Variants in ZNF446 observed in about 807,000 individuals in gnomAD.
ZNF446 encodes the protein zinc finger protein 446, also known as zinc finger protein with KRAB and SCAN domains 20.
A neutral mutation model predicts 34.0 loss-of-function variants in ZNF446; 42 were observed. That is an observed-to-expected ratio of 1.23 (90% CI 0.96 to 1.60). The LOEUF (loss-of-function observed/expected upper bound fraction) is 1.60, where lower values mean the gene tolerates loss of function less well. Ranked by LOEUF, ZNF446 falls within the 40% of genes most tolerant of loss-of-function variation. ZNF446 has a pLI of 0.00. For synonymous variants in ZNF446, 315 were observed against 251.0 expected, an observed-to-expected ratio of 1.25 and a Z score of -2.41; for missense variants, 650 against 600.2, an observed-to-expected ratio of 1.08 and a Z score of -0.87.
In ZNF446 at chr19:58,480,331, A is replaced by G; in HGVS notation, c.958A>G (p.Thr320Ala). 6.3e-7 allele frequency: 1 copy of G among 1,590,438 alleles called. No individual in the cohort carries two copies. Among genetic ancestry groups the G allele is most frequent in the Non-Finnish European group, 8.6e-7 (1 of 1,169,370 alleles). Residue 320 changes from threonine (T) to alanine (A), a missense_variant, in exon 7 of 7, where the codon ACG becomes GCG. Transcript: ENST00000594369. The surrounding 1 kb of genome is among the most constrained non-coding windows in gnomAD (Gnocchi z 7.2). ...PVPTQPTPAE[T>A]RLEPAATPRK... ...GCCCACTCAGCCCACACCTGCAGAG[A>G]CGAGACTGGAGCCGGCTGCCACCCC...
chr19:58,480,546 C>A lies in ZNF446; in HGVS notation c.1173C>A (p.Gly391=). Residue 391 remains glycine, a synonymous_variant, in exon 7 of 7, where the codon GGC becomes GGA. Coordinates refer to ENST00000594369, the MANE Select transcript of ZNF446 (RefSeq NM_017908.4). This position sits in a 1 kb window ranked among gnomAD's most constrained non-coding sequence, Gnocchi z 7.2. ...FPHHPRRSLT[G]PRSYPCEECG... is the part of the protein sequence containing the mutation. ...ACCACCCCCGACGCTCACTCACAGG[C>A]CCCCGGAGTTACCCGTGTGAGGAGT... 1 of 1,612,904 alleles carries A rather than the reference C, an allele frequency of 6.2e-7. No individual in the cohort carries two copies. The highest frequency in any genetic ancestry group is 8.5e-7 in the Non-Finnish European group (1 of 1,179,894).
downstream of ZNF446, among the ~76,000 whole-genome samples, chr19:58,483,132 G>C (rs2053151173): frequency 1.3e-5 from 2 of 151,332 alleles, no homozygotes; most frequent in South Asian, 4.2e-4. Context: ...CACTTTGGGA[G>C]ACCACGAGTT....
Position 58,477,336 on chromosome 19 carries a change from C to T in ZNF446, c.118C>T (p.Pro40Ser), listed in dbSNP as rs758801580. The T allele has an allele frequency of 1.2e-6, 2 of 1,613,388 alleles. No individual in the cohort carries two copies. Among genetic ancestry groups the T allele is most frequent in the South Asian group, 1.1e-5 (1 of 91,076 alleles). The change falls in exon 2 of 7, where the codon CCC becomes TCC. Residue 40 changes from proline (P) to serine (S), a missense_variant. Physicochemically the swap from Pro to Ser is moderately conservative, Grantham distance 74. Transcript: ENST00000594369. ...RGFCYQEVAGPREALARLREL... is the reference protein window; with the variant it reads ...RGFCYQEVAGSREALARLREL... ...GTTCTGCTACCAGGAGGTGGCAGGT[C>T]CCCGAGAAGCCCTGGCCCGGCTGCG...
chr19:58,478,226 G>C (rs368246732), intron 4 of ZNF446, 45 bp downstream of exon 4: 2 of 1,577,908 alleles, frequency 1.3e-6, no homozygotes, highest in Admixed American at 1.8e-5. Flanking sequence ...GTGTGAGAAG[G>C]GACTGTCCCC....
Position 58,480,773 on chromosome 19 carries a change from T to G in ZNF446, c.*47T>G, listed in dbSNP as rs1439422293. ...TCGGGGCCTCGGTGTTCTCGGGGCCTGGATACAGCCTCTGGGGCACCAGCA... is the reference window on the plus strand; with the variant it reads ...TCGGGGCCTCGGTGTTCTCGGGGCCGGGATACAGCCTCTGGGGCACCAGCA... On this transcript the variant is annotated 3_prime_UTR_variant, in exon 7 of 7. Transcript: ENST00000594369. This position sits in a 1 kb window ranked among gnomAD's most constrained non-coding sequence, Gnocchi z 7.2. The G allele has an allele frequency of 4.5e-6, 7 of 1,562,920 alleles. No individual in the cohort carries two copies. The highest frequency in any genetic ancestry group is 1.3e-5 in the African/African-American group (1 of 74,284).
chr19:58,488,848 CAA>C, the ZNF446 span, among the ~76,000 whole-genome samples: 15 of 102,284 alleles, frequency 1.5e-4, no homozygotes, highest in Non-Finnish European at 5.7e-5. Context: ...AAGACTCCGT[CAA>C]AAAAAAAAAA....
the ZNF446 span, among the ~76,000 whole-genome samples, chr19:58,487,585 G>T: frequency 6.6e-6 from 1 of 152,088 alleles, no homozygotes; most frequent in East Asian, 1.9e-4. Flanking sequence ...GAGGCAGGGG[G>T]ATCACTTGAG....
At chr19:58,486,533 G>A in the ZNF446 span, among the ~76,000 whole-genome samples, 3 of 151,868 alleles carry the variant, frequency 2.0e-5, no homozygotes, top group East Asian at 3.9e-4. Context: ...TCAGCCTCCC[G>A]AGTAGCTGGG....
At chr19:58,478,684 A>G (rs1261323963) in intron 4 of ZNF446, among the ~76,000 whole-genome samples, 6 of 151,546 alleles carry the variant, frequency 4.0e-5, no homozygotes, top group South Asian at 4.2e-4. Context: ...AAAAAAAAAA[A>G]GGATTTGGGC....
downstream of ZNF446, among the ~76,000 whole-genome samples, chr19:58,481,528 G>T (rs1202740500): frequency 6.6e-6 from 1 of 152,198 alleles, no homozygotes; most frequent in Admixed American, 6.5e-5. Context: ...TGCAAGCAGG[G>T]GTTGCGCCAA....
chr19:58,478,644 A>G (rs2053110565), intron 4 of ZNF446, among the ~76,000 whole-genome samples: 1 of 151,946 alleles, frequency 6.6e-6, no homozygotes, highest in Non-Finnish European at 1.5e-5. Flanking sequence ...AGCCTGGTCA[A>G]CAAGAGCAAA....
Position 58,480,530 on chromosome 19 carries a change from G to A in ZNF446, c.1157G>A (p.Arg386Gln), listed in dbSNP as rs77082355. ...QGEVAFPHHP[R>Q]RSLTGPRSYP... is the part of the protein sequence containing the mutation. ...GAGGTGGCCTTTCCGCACCACCCCC[G>A]ACGCTCACTCACAGGCCCCCGGAGT... Residue 386 changes from arginine (R) to glutamine (Q), a missense_variant, in exon 7 of 7, where the codon CGA (arginine) becomes CAA (glutamine). By Grantham distance (43) the Arg-to-Gln change is conservative (BLOSUM62 1). Transcript: ENST00000594369. The surrounding 1 kb of genome is among the most constrained non-coding windows in gnomAD (Gnocchi z 7.2). 17 of 1,612,628 alleles carry A rather than the reference G, an allele frequency of 1.1e-5. No homozygotes were observed. Among genetic ancestry groups the A allele is most frequent in the South Asian group, 2.2e-5 (2 of 91,074 alleles).
At position 58,479,912 on chromosome 19, in the gene ZNF446, T is replaced by C; in HGVS notation, c.713-18T>C. 6.4e-7 allele frequency: 1 copy of C among 1,553,418 alleles called. No homozygotes were observed. The highest frequency in any genetic ancestry group is 1.2e-5 in the South Asian group (1 of 84,820). On this transcript the variant is annotated intron_variant, in intron 5 of 6. Transcript: ENST00000594369. ...TTCATGCAAACCCCATGCCTAACTGTGCCCCCCACCCGGGCAGGGTTACCG... is the reference window on the plus strand; with the variant it reads ...TTCATGCAAACCCCATGCCTAACTGCGCCCCCCACCCGGGCAGGGTTACCG...
intron 5 of ZNF446, 91 bp from the exon 6 acceptor site, chr19:58,479,839 C>G (rs1050904555): frequency 7.1e-7 from 1 of 1,413,074 alleles, no homozygotes; most frequent in Admixed American, 2.0e-5. Flanking sequence ...GCTCTCCCAC[C>G]TTCCAGAGGA....
downstream of ZNF446, among the ~76,000 whole-genome samples, chr19:58,484,465 CAAA>C (rs762913939): frequency 4.1e-5 from 4 of 97,364 alleles, no homozygotes; most frequent in South Asian, 3.4e-4. Flanking sequence ...GACTCCATCT[CAAA>C]AAAAAAAAAA....
chr19:58,488,679 G>A, the ZNF446 span, among the ~76,000 whole-genome samples: 156 of 151,562 alleles, frequency 1.0e-3, no homozygotes, highest in Non-Finnish European at 1.8e-3. Flanking sequence ...GTGGAACCCC[G>A]TCTCTACTAA....
rs148708008 is a variant in ZNF446 at position 58,478,087 on chromosome 19, C to T, written c.533C>T (p.Ala178Val). 171 of 1,610,852 alleles carry T rather than the reference C, an allele frequency of 1.1e-4. No individual in the cohort carries two copies. The highest frequency in any genetic ancestry group is 1.4e-4 in the Non-Finnish European group (160 of 1,178,588). Residue 178 changes from alanine to valine, a missense_variant and splice_region_variant, in exon 4 of 7, where the codon GCA becomes GTA. Physicochemically the swap from Ala to Val is moderately conservative, Grantham distance 64. Coordinates refer to ENST00000594369, the MANE Select transcript of ZNF446 (RefSeq NM_017908.4). ...CCCTTCCATCTGCCCCACTTTTCAG[C>T]ACCCTCCAGCCCTCCACTTGCAGCA... Reference protein sequence around the residue: ...EEPNVDGQEVAPSSPPLAAQS... With the variant: ...EEPNVDGQEVVPSSPPLAAQS...
chr19:58,479,654 G>A lies in ZNF446; in HGVS notation c.639G>A (p.Gly213=), dbSNP rs1245184729. ...GGCCACATCCGCAGGAGGAGTGGGG[G>A]CTGCTGGACCGGTCACAGAAGGAAC... ...FHPPRIQEEW[G]LLDRSQKELY... The change falls in exon 5 of 7, where the codon GGG becomes GGA. Residue 213 remains glycine (G), a synonymous_variant. Transcript: ENST00000594369. The A allele has an allele frequency of 2.5e-6, 4 of 1,613,852 alleles. No individual in the cohort carries two copies. Among genetic ancestry groups the A allele is most frequent in the Non-Finnish European group, 1.7e-6 (2 of 1,179,920 alleles).
In ZNF446 at chr19:58,477,681, G is replaced by C. The variant is rs745636559; in HGVS notation, c.387G>C (p.Gln129His). The C allele has an allele frequency of 6.2e-6, 10 of 1,613,910 alleles. No individual in the cohort carries two copies. Among genetic ancestry groups the C allele is most frequent in the Non-Finnish European group, 8.5e-6 (10 of 1,180,034 alleles). ...AGCAGGAGGTGCTCCCTGCAGCCCAGAAGACAGAGGAACCACTTGGGAGCC... is the reference window on the plus strand; with the variant it reads ...AGCAGGAGGTGCTCCCTGCAGCCCACAAGACAGAGGAACCACTTGGGAGCC... Reference protein sequence around the residue: ...VLKQEVLPAAQKTEEPLGSPH... With the variant: ...VLKQEVLPAAHKTEEPLGSPH... The change falls in exon 3 of 7, where the codon CAG becomes CAC. Residue 129 changes from glutamine (Q) to histidine (H), a missense_variant. Gln to His is a conservative substitution (Grantham distance 24, BLOSUM62 0). Transcript: ENST00000594369.
Sources: gnomAD v4.1 joint callset for allele counts (sites outside exome capture counted in the v4.1 genomes callset) on GRCh38, gnomAD v4.1.1 for gene constraint, Gnocchi (gnomAD v3.1) non-coding constraint, MANE v1.5 for transcripts, NCBI Gene and HGNC (gene_info 2026-07-23, HGNC 2026-07-21) for gene names.